The following ELMO1 variants were observed in gnomAD, a reference collection of about 807,000 sequenced individuals.
ELMO1 encodes engulfment and cell motility protein 1.
In ELMO1, 26 loss-of-function variants were observed where a neutral mutation model predicts 98.9. That is an observed-to-expected ratio of 0.26 (90% CI 0.19 to 0.36). The LOEUF (loss-of-function observed/expected upper bound fraction) is 0.36. Among genes scored for constraint, ELMO1 ranks in the 10% least tolerant of loss-of-function variants. The pLI, the probability that ELMO1 is intolerant of heterozygous loss-of-function variation, is 1.00. For synonymous variants in ELMO1, 346 were observed against 346.0 expected (o/e 1.00, Z 0.00); for missense variants, 627 against 935.2 (o/e 0.67, Z 4.30).
chr7:37,127,696 T>TC (rs1480130242), intron 14 of ELMO1, among the ~76,000 whole-genome samples: 1 of 152,178 alleles, frequency 6.6e-6, no homozygotes, highest in African/African-American at 2.4e-5. Flanking sequence ...GATCACCCTA[T>TC]CTGCTAGTCA....
chr7:36,864,028 C>T (rs1005181839), intron 20 of ELMO1, among the ~76,000 whole-genome samples: 1 of 152,152 alleles, frequency 6.6e-6, no homozygotes, highest in African/African-American at 2.4e-5. Flanking sequence ...ATTACAGTGG[C>T]GTGAGGGGGC....
intron 13 of ELMO1, among the ~76,000 whole-genome samples, chr7:37,155,503 A>AAAAAAATAAAAAAAAAAAAAAAAT (rs61189239): frequency 7.6e-6 from 1 of 131,738 alleles, no homozygotes; most frequent in Non-Finnish European, 1.6e-5. Context: ...AAAAAAAAAA[A>AAAAAAATAAAAAAAAAAAAAAAAT]AAAAAGCAGG....
At chr7:37,337,491 C>T (rs1470630726) in intron 2 of ELMO1, among the ~76,000 whole-genome samples, 3 of 148,794 alleles carry the variant, frequency 2.0e-5, no homozygotes, top group Admixed American at 1.3e-4. Context: ...CTAACCCGCA[C>T]GTTGTGCACA....
intron 16 of ELMO1, among the ~76,000 whole-genome samples, chr7:36,963,481 T>C (rs1426822209): frequency 6.6e-6 from 1 of 152,084 alleles, no homozygotes; most frequent in African/African-American, 2.4e-5. Context: ...CACAGAAAAG[T>C]TGGGATAGTG....
At chr7:37,197,662 G>C (rs1258908000) in intron 13 of ELMO1, among the ~76,000 whole-genome samples, 1 of 152,222 alleles carries the variant, frequency 6.6e-6, no homozygotes, top group Non-Finnish European at 1.5e-5. Context: ...TGGGAAGCAG[G>C]TAACTGGATC....
At chr7:36,879,732 G>C (rs1018058278) in intron 18 of ELMO1, among the ~76,000 whole-genome samples, 3 of 152,106 alleles carry the variant, frequency 2.0e-5, no homozygotes, top group Non-Finnish European at 4.4e-5. Context: ...AACTCTAGTG[G>C]AAAAAATTGA....
chr7:37,324,895 C>A (rs1463223613), intron 2 of ELMO1, among the ~76,000 whole-genome samples: 1 of 152,196 alleles, frequency 6.6e-6, no homozygotes, highest in Admixed American at 6.5e-5. Context: ...CTTTAGAGGA[C>A]TTCCAGGGAC....
At chr7:37,255,645 C>T (rs920493835) in intron 6 of ELMO1, among the ~76,000 whole-genome samples, 1 of 152,160 alleles carries the variant, frequency 6.6e-6, no homozygotes. Context: ...ACCGTAATTA[C>T]AATTGCAATT....
intron 4 of ELMO1, among the ~76,000 whole-genome samples, chr7:37,280,960 A>G (rs1797102065): frequency 1.8e-5 from 2 of 111,024 alleles, no homozygotes; most frequent in Admixed American, 1.8e-4. Flanking sequence ...CCAAATGCCC[A>G]TCATCAACGA....
intron 15 of ELMO1, among the ~76,000 whole-genome samples, chr7:37,043,718 C>T (rs1795650148): frequency 6.6e-6 from 1 of 152,130 alleles, no homozygotes; most frequent in Admixed American, 6.5e-5. Context: ...CCCGGTGAAT[C>T]TAATGTGCAG....
At chr7:37,024,861 T>C (rs1312391296) in intron 15 of ELMO1, among the ~76,000 whole-genome samples, 2 of 152,228 alleles carry the variant, frequency 1.3e-5, no homozygotes, top group Non-Finnish European at 2.9e-5. Context: ...AAATCTTATT[T>C]ACTTAGCTTC....
intron 13 of ELMO1, among the ~76,000 whole-genome samples, chr7:37,163,337 CT>C (rs916709754): frequency 0.07 from 490 of 7,038 alleles, 2 homozygotes; most frequent in African/African-American, 0.075. Flanking sequence ...AGCCAGTGTT[CT>C]TTTTTTTTTT....
rs567012666 is a variant in ELMO1 at position 36,853,597 on chromosome 7, G to A, written c.*1954C>T. Among the ~76,000 whole-genome samples, 15 of 152,338 alleles carry A rather than the reference G, an allele frequency of 9.8e-5. No homozygotes were observed. In the South Asian group the frequency reaches 2.1e-3, roughly 21 times the overall value. ...GACACAGGTGTGAGTGCTCTGATGGGAAGAAGGAACCCCTGTGAATGCAAA... is the reference window on the plus strand; with the variant it reads ...GACACAGGTGTGAGTGCTCTGATGGAAAGAAGGAACCCCTGTGAATGCAAA... On this transcript the variant is annotated 3_prime_UTR_variant, in exon 22 of 22. Coordinates refer to ENST00000310758, the MANE Select transcript of ELMO1 (RefSeq NM_014800.11).
intron 18 of ELMO1, among the ~76,000 whole-genome samples, chr7:36,878,473 A>G (rs1804150821): frequency 6.6e-6 from 1 of 150,920 alleles, no homozygotes; most frequent in Admixed American, 6.6e-5. Flanking sequence ...GGAGGGAGAT[A>G]TAGAAAAAAA....
intron 13 of ELMO1, among the ~76,000 whole-genome samples, chr7:37,143,799 C>T (rs1363195084): frequency 1.3e-5 from 2 of 151,016 alleles, no homozygotes. Flanking sequence ...CAGCCTCTGC[C>T]CCCTGGGTTC....
chr7:37,303,796 C>T (rs547046683), intron 4 of ELMO1, among the ~76,000 whole-genome samples: 13 of 152,268 alleles, frequency 8.5e-5, no homozygotes, highest in African/African-American at 2.9e-4. Context: ...TGATCATGAC[C>T]TCTGGCATTT....
At chr7:37,163,985 A>C (rs1004288184) in intron 13 of ELMO1, among the ~76,000 whole-genome samples, 37 of 151,926 alleles carry the variant, frequency 2.4e-4, no homozygotes, top group Middle Eastern at 3.4e-3. Context: ...TTCTCCACAT[A>C]CTCTCCAGCA....
intron 15 of ELMO1, among the ~76,000 whole-genome samples, chr7:37,052,815 T>C (rs1796178771): frequency 6.6e-6 from 1 of 152,208 alleles, no homozygotes; most frequent in African/African-American, 2.4e-5. Context: ...AGGGCCAACC[T>C]TAGCCTGGGA....
chr7:37,071,895 C>A (rs1797290447), intron 15 of ELMO1, among the ~76,000 whole-genome samples: 1 of 152,146 alleles, frequency 6.6e-6, no homozygotes, highest in South Asian at 2.1e-4. Flanking sequence ...AATACACACA[C>A]ACGCACACGT....
Sources: gnomAD v4.1 joint callset for allele counts (sites outside exome capture counted in the v4.1 genomes callset) on GRCh38, gnomAD v4.1.1 for gene constraint, MANE v1.5 for transcripts, NCBI Gene and HGNC (gene_info 2026-07-23, HGNC 2026-07-21) for gene names.